KCND3: variants seen among roughly 807,000 people sequenced by gnomAD.
KCND3 encodes A-type voltage-gated potassium channel KCND3.
A neutral mutation model predicts 51.1 loss-of-function variants in KCND3; 9 were observed. The observed-to-expected ratio is 0.18, with a 90% CI of 0.11 to 0.31. KCND3 has a LOEUF of 0.31. KCND3 is among the 10% of genes least tolerant of loss of function. The pLI is 1.00. For missense variants in KCND3, 526 were observed against 903.8 expected (o/e 0.58, Z 5.36); for synonymous variants, 349 against 368.0 (o/e 0.95, Z 0.59).
intron 2 of KCND3, among the ~76,000 whole-genome samples, chr1:111,863,965 G>T (rs1365079334): frequency 3.3e-5 from 5 of 152,120 alleles, no homozygotes; most frequent in African/African-American, 1.2e-4. Context: ...TTGAAATGAG[G>T]AGTGAGGTGG....
rs903701604 is a variant in KCND3, at chr1:111,776,273, G to A, written c.1772C>T (p.Ser591Phe). ...SEQPSLTTSRSSLNLKADDGL... is the reference protein window; with the variant it reads ...SEQPSLTTSRFSLNLKADDGL... ...GTCGTCTGCTTTCAAATTAAGGCTG[G>A]AGCGACTGGGATAGAAAAGAGTGAG... is the stretch of plus-strand genomic sequence containing the variant. Residue 591 changes from serine (S) to phenylalanine (F), a missense_variant, in exon 8 of 8, where the codon TCC becomes TTC. By Grantham distance (155) the Ser-to-Phe change is radical. Coordinates refer to ENST00000302127, the MANE Select transcript of KCND3 (RefSeq NM_001378969.1). The A allele has an allele frequency of 1.2e-6, 2 of 1,613,804 alleles. No homozygotes were observed. The highest frequency in any genetic ancestry group is 1.7e-6 in the Non-Finnish European group (2 of 1,179,870).
intron 2 of KCND3, among the ~76,000 whole-genome samples, chr1:111,830,320 G>A (rs954470859): frequency 1.3e-5 from 2 of 152,186 alleles, no homozygotes; most frequent in Non-Finnish European, 2.9e-5. Flanking sequence ...AGCATAAAAG[G>A]CTTGCTCAGA....
chr1:111,894,583 T>C (rs187095218), intron 2 of KCND3, among the ~76,000 whole-genome samples: 33 of 152,286 alleles, frequency 2.2e-4, no homozygotes, highest in African/African-American at 7.0e-4. Context: ...ACTTAGTAAA[T>C]AGTTTGACTC....
At position 111,982,599 on chromosome 1, in the gene KCND3, A is replaced by G; in HGVS notation, c.128T>C (p.Val43Ala). 1 of 1,613,812 alleles carries G rather than the reference A, an allele frequency of 6.2e-7. No homozygotes were observed. Among genetic ancestry groups the G allele is most frequent in the South Asian group, 1.1e-5 (1 of 91,044 alleles). The stretch of plus-strand genomic sequence containing the variant: ...GAACCTCCGCCCACTCACGTTGAGG[A>G]CAATCAGCTCATCCTGCCGCTTGTT... ...DKNKRQDELIVLNVSGRRFQT... is the reference protein window; with the variant it reads ...DKNKRQDELIALNVSGRRFQT... The change falls in exon 2 of 8, where the codon GTC becomes GCC. Residue 43 changes from valine (V) to alanine (A), a missense_variant. Transcript: ENST00000302127. This position sits in a 1 kb window ranked among gnomAD's most constrained non-coding sequence, Gnocchi z 8.5.
At chr1:111,961,579 C>G (rs778123506) in intron 2 of KCND3, among the ~76,000 whole-genome samples, 25 of 152,206 alleles carry the variant, frequency 1.6e-4, no homozygotes, top group Admixed American at 3.9e-4. Flanking sequence ...CCCTTCCCAT[C>G]TACTGTCTGA....
Position 111,774,798 on chromosome 1 carries a change from C to G in KCND3, c.*1279G>C, listed in dbSNP as rs1480157422. ...GAATCTTGGTCCCCGTACCACTGCC[C>G]TCTCTGGAGAAAACTACTCCCGGGG... On this transcript the variant is annotated 3_prime_UTR_variant, in exon 8 of 8. Transcript: ENST00000302127. The G allele has an allele frequency of 6.6e-6, 1 of 152,238 alleles. No individual in the cohort carries two copies. The allele number at this position is 152,238 out of a possible 1,614,324, so 9.4% of individuals were successfully genotyped here.
intron 2 of KCND3, among the ~76,000 whole-genome samples, chr1:111,828,171 C>T (rs947458874): frequency 2.6e-5 from 4 of 152,192 alleles, no homozygotes; most frequent in Non-Finnish European, 5.9e-5. Flanking sequence ...GATGACAGCT[C>T]CATCTATGTT....
At chr1:111,984,419 A>T (rs370578104) in intron 1 of KCND3, among the ~76,000 whole-genome samples, 27 of 152,240 alleles carry the variant, frequency 1.8e-4, no homozygotes, top group East Asian at 5.8e-4. Context: ...TGTCACCTTG[A>T]CCATTTTTCT....
At chr1:111,809,200 A>G (rs965300823) in intron 2 of KCND3, among the ~76,000 whole-genome samples, 1 of 152,260 alleles carries the variant, frequency 6.6e-6, no homozygotes, top group African/African-American at 2.4e-5. Context: ...TTGTGCAGGC[A>G]GAAAGCAGAA....
rs192986253 is a variant in KCND3, at chr1:111,773,199, G to C, written c.*2878C>G. 8 of 152,172 alleles carry C rather than the reference G, an allele frequency of 5.3e-5. No homozygotes were observed. The highest frequency in any genetic ancestry group is 2.6e-4 in the Admixed American group (4 of 15,280). 9.4% of individuals were successfully genotyped at this position (152,172 alleles called of 1,614,324 possible). ...TGGAAGGAACACAAAACATTCTGTT[G>C]ATTAGGACCAATAAAAAAACATGGG... On this transcript the variant is annotated 3_prime_UTR_variant, in exon 8 of 8. Coordinates refer to ENST00000302127, the MANE Select transcript of KCND3 (RefSeq NM_001378969.1).
At chr1:111,850,189 T>C (rs1484440852) in intron 2 of KCND3, among the ~76,000 whole-genome samples, 1 of 152,198 alleles carries the variant, frequency 6.6e-6, no homozygotes, top group Admixed American at 6.5e-5. Context: ...TTTTTCCTGG[T>C]CTAGTCCTAA....
chr1:111,856,438 G>A (rs1668075737), intron 2 of KCND3, among the ~76,000 whole-genome samples: 1 of 152,220 alleles, frequency 6.6e-6, no homozygotes, highest in African/African-American at 2.4e-5. Context: ...TGTGCACAGG[G>A]CACTTAGTAG....
In KCND3 at chr1:111,776,143, G is replaced by T; in HGVS notation, c.1902C>A (p.Ala634=). The change falls in exon 8 of 8, where the codon GCC becomes GCA. Residue 634 remains alanine (A), a synonymous_variant. Coordinates refer to ENST00000302127, the MANE Select transcript of KCND3 (RefSeq NM_001378969.1). ...TPEGESRPPP[A]SPGPNTNIPS... ...GAATGTTCGTGTTGGGGCCTGGGCTGGCAGGGGGTGGCCGACTTTCCCCCT... is the reference window on the plus strand; with the variant it reads ...GAATGTTCGTGTTGGGGCCTGGGCTTGCAGGGGGTGGCCGACTTTCCCCCT... The T allele has an allele frequency of 2.5e-6, 4 of 1,614,242 alleles. No individual in the cohort carries two copies. The highest frequency in any genetic ancestry group is 3.4e-6 in the Non-Finnish European group (4 of 1,180,048).
intron 2 of KCND3, among the ~76,000 whole-genome samples, chr1:111,899,196 C>A (rs1162062845): frequency 2.0e-5 from 3 of 152,302 alleles, no homozygotes; most frequent in African/African-American, 7.2e-5. Flanking sequence ...TGGCTCAATA[C>A]CTAGCTTATC....
At chr1:111,870,196 A>T (rs1026822828) in intron 2 of KCND3, among the ~76,000 whole-genome samples, 1 of 152,256 alleles carries the variant, frequency 6.6e-6, no homozygotes, top group Non-Finnish European at 1.5e-5. Flanking sequence ...CCAAGCTTAC[A>T]GACCCAGCAA....
At chr1:111,971,200 G>T (rs1490896457) in intron 2 of KCND3, among the ~76,000 whole-genome samples, 1 of 150,994 alleles carries the variant, frequency 6.6e-6, no homozygotes, top group Admixed American at 6.6e-5. Flanking sequence ...ACATGCCAAT[G>T]TAAGGGTCCC....
chr1:111,841,267 G>C (rs1179958409), intron 2 of KCND3, among the ~76,000 whole-genome samples: 1 of 152,182 alleles, frequency 6.6e-6, no homozygotes, highest in African/African-American at 2.4e-5. Context: ...CACAGATTCA[G>C]ACAAGCATGC....
intron 2 of KCND3, among the ~76,000 whole-genome samples, chr1:111,809,018 G>C (rs533561161): frequency 8.1e-4 from 124 of 152,354 alleles, no homozygotes; most frequent in African/African-American, 2.8e-3. Flanking sequence ...CCAGTGACCT[G>C]TCTCCCTTTA....
At chr1:111,965,549 T>C (rs1167023678) in intron 2 of KCND3, among the ~76,000 whole-genome samples, 2 of 147,432 alleles carry the variant, frequency 1.4e-5, no homozygotes, top group Non-Finnish European at 3.0e-5. Context: ...TTGCCCAGAG[T>C]ACTTGCCCTT....
Sources: allele counts gnomAD v4.1 joint callset (sites outside exome capture counted in the v4.1 genomes callset), GRCh38; gene constraint gnomAD v4.1.1; non-coding constraint Gnocchi (gnomAD v3.1); transcripts MANE v1.5; gene names NCBI Gene and HGNC (gene_info 2026-07-23, HGNC 2026-07-21).